Variants in DENND3 observed in about 807,000 individuals in gnomAD.
DENND3 encodes the protein DENN domain containing 3.
Under a neutral mutation model 135.1 loss-of-function variants are expected in DENND3, and 88 were observed. The observed-to-expected ratio is 0.65, with a 90% CI of 0.55 to 0.78. The LOEUF is 0.78. Among genes scored for constraint, DENND3 ranks in the 30% least tolerant of loss-of-function variants. DENND3 has a pLI of 0.00. For synonymous variants in DENND3, 693 were observed against 712.3 expected (o/e 0.97, Z 0.43); for missense variants, 1,392 against 1,688.4 (o/e 0.82, Z 3.08).
At chr8:141,179,330 A>AC (rs1233708516) in intron 16 of DENND3, among the ~76,000 whole-genome samples, 2 of 151,900 alleles carry the variant, frequency 1.3e-5, no homozygotes, top group African/African-American at 4.8e-5. Context: ...AATCAAACAA[A>AC]CCCCCTACTT....
chr8:141,191,658 C>G (rs1824773206), intron 20 of DENND3: 1 of 152,406 alleles, frequency 6.6e-6, no homozygotes, highest in Non-Finnish European at 1.5e-5. Flanking sequence ...GTGCTGAGCA[C>G]TCTGTCGTGT....
Position 141,138,045 on chromosome 8 carries a change from C to T in DENND3, c.409C>T (p.Pro137Ser), listed in dbSNP as rs200794849. The T allele has an allele frequency of 3.6e-5, 58 of 1,606,596 alleles. No individual in the cohort carries two copies. In the East Asian group the frequency reaches 8.9e-4, roughly 25 times the overall value. Residue 137 changes from proline to serine, a missense_variant, in exon 3 of 23, where the codon CCT becomes TCT. Physicochemically the swap from Pro to Ser is moderately conservative, Grantham distance 74. Coordinates refer to ENST00000519811, the MANE Select transcript of DENND3 (RefSeq NM_001352890.3). This position sits in a 1 kb window ranked among gnomAD's most constrained non-coding sequence, Gnocchi z 4.8. ...AGGGGGTGTGTGCGTGGCCACTGAA[C>T]CTAAGGAGGATTGCGTCCACTTCCT... ...FPGGVCVATE[P>S]KEDCVHFLVL...
chr8:141,135,069 C>T (rs1429777207), intron 1 of DENND3, among the ~76,000 whole-genome samples: 4 of 152,078 alleles, frequency 2.6e-5, no homozygotes, highest in Non-Finnish European at 5.9e-5. Context: ...TCGATCTGAC[C>T]TCGTGATCTG....
intron 9 of DENND3, among the ~76,000 whole-genome samples, chr8:141,161,125 C>T (rs1820083132): frequency 6.6e-6 from 1 of 152,166 alleles, no homozygotes; most frequent in African/African-American, 2.4e-5. Context: ...TTTGGGACAG[C>T]CCTCTAGGAA....
intron 18 of DENND3, among the ~76,000 whole-genome samples, chr8:141,187,768 A>G (rs1824094047): frequency 6.6e-6 from 1 of 152,250 alleles, no homozygotes. Context: ...ATAAAGTAAT[A>G]GGATCCATGA....
At chr8:141,169,608 T>TCTCC (rs1464449123) in intron 13 of DENND3, among the ~76,000 whole-genome samples, 4 of 152,186 alleles carry the variant, frequency 2.6e-5, no homozygotes, top group Non-Finnish European at 4.4e-5. Context: ...CGTGTGCCTC[T>TCTCC]CTCCCTCCCT....
In DENND3 at chr8:141,154,310, A is replaced by G. The variant is rs1372449097; in HGVS notation, c.1075-1539A>G. Among the ~76,000 whole-genome samples the G allele has an allele frequency of 6.6e-6, 1 of 152,184 alleles. No individual in the cohort carries two copies. Among genetic ancestry groups the G allele is most frequent in the Non-Finnish European group, 1.5e-5 (1 of 68,034 alleles). ...TGTACTCTGTCACAGGAGCCTCTCC[A>G]AGTCATCATGTGCATATCTCAAATA... On this transcript the variant is annotated intron_variant, in intron 7 of 22. Transcript: ENST00000519811. The surrounding 1 kb of genome is among the most constrained non-coding windows in gnomAD (Gnocchi z 4.4).
In DENND3 at chr8:141,187,452, T is replaced by C. The variant is rs1034862827; in HGVS notation, c.3085-1534T>C. On this transcript the variant is annotated intron_variant, in intron 18 of 22. Transcript: ENST00000519811. ...GCTGCTCAGGCTGGTCTCAAACTCC[T>C]GGGCTCAAGCAGTCCTCCCGCCTCG... Among the ~76,000 whole-genome samples, 12 of 152,284 alleles carry C rather than the reference T, an allele frequency of 7.9e-5. No individual in the cohort carries two copies. The South Asian group carries it at 1.9e-3, about 24-fold the overall frequency.
At position 141,128,927 on chromosome 8, in the gene DENND3, C is replaced by T. The variant is rs1044826823; in HGVS notation, c.102+118C>T. On this transcript the variant is annotated intron_variant, in intron 1 of 22. Coordinates refer to ENST00000519811, the MANE Select transcript of DENND3 (RefSeq NM_001352890.3). The surrounding 1 kb of genome is among the most constrained non-coding windows in gnomAD (Gnocchi z 4.5). ...GCGCGGACTTTCCGAGGGCTGAGTC[C>T]CGGTCCCCCGGCGGTGACCCCGCGC... is the stretch of plus-strand genomic sequence containing the variant. 3 of 764,406 alleles carry T rather than the reference C, an allele frequency of 3.9e-6. No individual in the cohort carries two copies. The highest frequency in any genetic ancestry group is 5.5e-6 in the Non-Finnish European group (3 of 542,158). 47.4% of individuals were successfully genotyped at this position (764,406 alleles called of 1,614,324 possible). A position where few individuals can be genotyped will look rare whatever the true frequency, so the allele number is the denominator to read the frequency against.
Position 141,138,151 on chromosome 8 carries a change from G to A in DENND3, c.501+14G>A, listed in dbSNP as rs984239097. On this transcript the variant is annotated intron_variant, in intron 3 of 22. Coordinates refer to ENST00000519811, the MANE Select transcript of DENND3 (RefSeq NM_001352890.3). This position sits in a 1 kb window ranked among gnomAD's most constrained non-coding sequence, Gnocchi z 4.8. ...CGGCCCCTGCATGTAGGTGGTTCCC[G>A]TTACTCCCCTCTGAAATTGGGTTTA... 2.9e-5 allele frequency: 46 copies of A among 1,589,108 alleles called. No homozygotes were observed. The highest frequency in any genetic ancestry group is 3.6e-5 in the Non-Finnish European group (42 of 1,166,188).
At chr8:141,147,345 C>T (rs307757) in intron 5 of DENND3, among the ~76,000 whole-genome samples, 8,839 of 152,252 alleles carry the variant, frequency 0.058, 856 homozygotes, top group African/African-American at 0.2. Context: ...GCTTCTCTTC[C>T]CCAAGCCCCA....
chr8:141,168,064 T>G lies in DENND3; in HGVS notation c.1814T>G (p.Leu605Arg). Residue 605 changes from leucine (L) to arginine (R), a missense_variant, in exon 13 of 23, where the codon CTG (leucine) becomes CGG (arginine). Transcript: ENST00000519811. This position sits in a 1 kb window ranked among gnomAD's most constrained non-coding sequence, Gnocchi z 6.2. ...AAGATTCCCGAAATCCACTTTCCGC[T>G]GGAGAGCAAGTGCGTGCAGGCATAC... Reference protein sequence around the residue: ...TFKIPEIHFPLESKCVQAYHA... With the variant: ...TFKIPEIHFPRESKCVQAYHA... The G allele has an allele frequency of 6.2e-7, 1 of 1,614,124 alleles. No individual in the cohort carries two copies. The highest frequency in any genetic ancestry group is 8.5e-7 in the Non-Finnish European group (1 of 1,179,996).
At chr8:141,157,977 C>T (rs763332713) in intron 8 of DENND3, 555 of 1,066,692 alleles carry the variant, frequency 5.2e-4, no homozygotes, top group Non-Finnish European at 6.3e-4. Flanking sequence ...CCAGGCTGGT[C>T]TCGAACTCCT....
intron 5 of DENND3, chr8:141,150,346 AAAGT>A: frequency 7.9e-7 from 1 of 1,272,748 alleles, no homozygotes; most frequent in Non-Finnish European, 1.0e-6. Flanking sequence ...GTGTGACTTC[AAAGT>A]AATACATTTA....
intron 17 of DENND3, 106 bp from the exon 18 acceptor site, chr8:141,185,033 C>T (rs1225603792): frequency 1.3e-5 from 18 of 1,437,946 alleles, no homozygotes; most frequent in Non-Finnish European, 1.6e-5. Flanking sequence ...TAACATGGGC[C>T]TGGCGCTTAG....
rs1820807429 is a variant in DENND3 at position 141,166,433 on chromosome 8, A to G, written c.1753+44A>G. 1.9e-6 allele frequency: 3 copies of G among 1,563,386 alleles called. No individual in the cohort carries two copies. Among genetic ancestry groups the G allele is most frequent in the South Asian group, 1.2e-5 (1 of 86,490 alleles). Reference sequence around the variant, plus strand: ...TGTGGTGCTGTGTGTCGGTCCCACCATTCCTGCACCTGCAAGTCATTGAGC... The same window carrying G: ...TGTGGTGCTGTGTGTCGGTCCCACCGTTCCTGCACCTGCAAGTCATTGAGC... On this transcript the variant is annotated intron_variant, in intron 12 of 22. Transcript: ENST00000519811. The surrounding 1 kb of genome is among the most constrained non-coding windows in gnomAD (Gnocchi z 4.3).
chr8:141,143,261 G>A (rs1387865212), intron 4 of DENND3, among the ~76,000 whole-genome samples: 1 of 152,188 alleles, frequency 6.6e-6, no homozygotes, highest in Non-Finnish European at 1.5e-5. Context: ...CAGAGTATGG[G>A]TAGTTTTTTT....
intron 18 of DENND3, among the ~76,000 whole-genome samples, chr8:141,188,186 C>G (rs1181731583): frequency 6.6e-6 from 1 of 152,168 alleles, no homozygotes; most frequent in Non-Finnish European, 1.5e-5. Flanking sequence ...GATCATGCCA[C>G]TGCACTCCAG....
At chr8:141,158,190 C>T in intron 8 of DENND3, 3 of 1,289,710 alleles carry the variant, frequency 2.3e-6, no homozygotes, top group South Asian at 1.2e-5. Flanking sequence ...CTCTCCTCCC[C>T]AGCCAAGGGC....
Sources: allele counts gnomAD v4.1 joint callset (sites outside exome capture counted in the v4.1 genomes callset), GRCh38; gene constraint gnomAD v4.1.1; non-coding constraint Gnocchi (gnomAD v3.1); transcripts MANE v1.5; gene names NCBI Gene and HGNC (gene_info 2026-07-23, HGNC 2026-07-21).